Variants in UGT1A4 observed in about 807,000 individuals in gnomAD.
UGT1A4 encodes UDP glucuronosyltransferase family 1 member A4.
A neutral mutation model predicts 41.1 loss-of-function variants in UGT1A4; 32 were observed. That is an observed-to-expected ratio of 0.78 (90% CI 0.59 to 1.05). UGT1A4 has a LOEUF of 1.05. Among genes scored for constraint, UGT1A4 ranks in the 50% least tolerant of loss-of-function variants. The pLI is 0.00. For synonymous variants in UGT1A4, 283 were observed against 265.1 expected (o/e 1.07, Z -0.66); for missense variants, 748 against 677.4 (o/e 1.10, Z -1.16).
chr2:233,748,790 T>G (rs913029718), intron 1 of UGT1A4, among the ~76,000 whole-genome samples: 4 of 151,342 alleles, frequency 2.6e-5, no homozygotes, highest in African/African-American at 9.8e-5. Context: ...CTACTTGGAA[T>G]GCTGAAATTA....
intron 1 of UGT1A4, among the ~76,000 whole-genome samples, chr2:233,744,785 A>C (rs1433110343): frequency 6.6e-6 from 1 of 151,864 alleles, no homozygotes; most frequent in Non-Finnish European, 1.5e-5. Context: ...TCTCCTGAAA[A>C]ATTCTTGGGG....
At chr2:233,768,483 T>G in intron 4 of UGT1A4, 44 bp downstream of exon 4, 1 of 1,586,708 alleles carries the variant, frequency 6.3e-7, no homozygotes. Flanking sequence ...ATGGCATTCA[T>G]GATAAAATTG....
intron 1 of UGT1A4, among the ~76,000 whole-genome samples, chr2:233,766,376 C>T (rs1699131127): frequency 6.6e-6 from 1 of 152,176 alleles, no homozygotes; most frequent in Admixed American, 6.5e-5. Context: ...GAGTTCTTCT[C>T]AATGTCCAGC....
rs766281304 is a variant in UGT1A4 at position 233,769,518 on chromosome 2, T to C, written c.1307+1079T>C. On this transcript the variant is annotated intron_variant, in intron 4 of 4. Coordinates refer to ENST00000373409, the MANE Select transcript of UGT1A4 (RefSeq NM_007120.3). This position sits in a 1 kb window ranked among gnomAD's most constrained non-coding sequence, Gnocchi z 4.4. ...GAGTGTCCATTGCTTTCTCCCATGG[T>C]TACCTCCTTTAGAAAGAAGCAGCAG... The C allele has an allele frequency of 1.2e-6, 2 of 1,612,876 alleles. No homozygotes were observed. Among genetic ancestry groups the C allele is most frequent in the South Asian group, 2.2e-5 (2 of 91,072 alleles).
intron 1 of UGT1A4, among the ~76,000 whole-genome samples, chr2:233,733,833 G>A (rs1195470780): frequency 2.6e-5 from 4 of 152,136 alleles, no homozygotes; most frequent in African/African-American, 4.8e-5. Flanking sequence ...ATGAGTTAGG[G>A]AGGATTCCCT....
chr2:233,747,565 A>G, intron 1 of UGT1A4: 1 of 1,593,778 alleles, frequency 6.3e-7, no homozygotes, highest in Non-Finnish European at 8.6e-7. Flanking sequence ...GCAATTTTGA[A>G]AAATTCATCT....
chr2:233,761,904 G>A (rs887991064), intron 1 of UGT1A4, among the ~76,000 whole-genome samples: 2 of 152,234 alleles, frequency 1.3e-5, no homozygotes, highest in Non-Finnish European at 2.9e-5. Context: ...AAGATTGGCT[G>A]AGGATCTACT....
intron 1 of UGT1A4, among the ~76,000 whole-genome samples, chr2:233,735,332 CCCT>C (rs1370680627): frequency 6.6e-6 from 1 of 151,862 alleles, no homozygotes; most frequent in Non-Finnish European, 1.5e-5. Flanking sequence ...GGATTGCAAC[CCCT>C]GCTTTTTTTT....
In UGT1A4 at chr2:233,766,945, A is replaced by G. The variant is rs1284295869; in HGVS notation, c.868-89A>G. 3.1e-6 allele frequency: 5 copies of G among 1,597,954 alleles called. No homozygotes were observed. In the East Asian group the frequency reaches 1.1e-4, roughly 36 times the overall value. ...ACGCATGCCTTTAATCATAGTCTTA[A>G]GAGGAAGATATCTAATTCATAACTT... On this transcript the variant is annotated intron_variant, in intron 1 of 4. Coordinates refer to ENST00000373409, the MANE Select transcript of UGT1A4 (RefSeq NM_007120.3).
At chr2:233,724,615 G>A (rs2077289109) in intron 1 of UGT1A4, among the ~76,000 whole-genome samples, 1 of 137,470 alleles carries the variant, frequency 7.3e-6, no homozygotes, top group South Asian at 2.8e-4. Flanking sequence ...GCCGGGCAGA[G>A]ACGCTCCTCA....
At chr2:233,753,795 C>G (rs760622704) in intron 1 of UGT1A4, 1 of 152,194 alleles carries the variant, frequency 6.6e-6, no homozygotes, top group African/African-American at 2.4e-5. Flanking sequence ...TTTCCAGGAC[C>G]TACCATAGTT....
intron 1 of UGT1A4, among the ~76,000 whole-genome samples, chr2:233,732,390 C>G (rs1458473666): frequency 6.6e-6 from 1 of 152,216 alleles, no homozygotes; most frequent in Admixed American, 6.5e-5. Flanking sequence ...TAGGCCATGC[C>G]TATGCCTAAA....
chr2:233,721,874 C>T, intron 1 of UGT1A4: 1 of 497,188 alleles, frequency 2.0e-6, no homozygotes. Flanking sequence ...GGCACACTTG[C>T]CAGCCCCTCC....
chr2:233,730,275 C>T (rs2078008384), intron 1 of UGT1A4, among the ~76,000 whole-genome samples: 1 of 152,142 alleles, frequency 6.6e-6, no homozygotes, highest in Admixed American at 6.5e-5. Flanking sequence ...TTTGTAAAGG[C>T]ACCATCTTCA....
intron 1 of UGT1A4, chr2:233,747,412 T>C: frequency 6.2e-7 from 1 of 1,607,344 alleles, no homozygotes; most frequent in East Asian, 2.2e-5. Context: ...GAGGTGAATA[T>C]GCACATCAAA....
At chr2:233,735,242 T>C (rs989843667) in intron 1 of UGT1A4, among the ~76,000 whole-genome samples, 1 of 152,236 alleles carries the variant, frequency 6.6e-6, no homozygotes, top group Non-Finnish European at 1.5e-5. Context: ...CTCTTGTTGT[T>C]GAATTGCTCC....
intron 4 of UGT1A4, chr2:233,770,813 A>G (rs910931761): frequency 2.0e-5 from 3 of 152,228 alleles, no homozygotes; most frequent in African/African-American, 7.2e-5. Flanking sequence ...ACAGTGTATT[A>G]GGCTGTTCTT....
At position 233,743,070 on chromosome 2, in the gene UGT1A4, T is replaced by G. The variant is rs1338507367; in HGVS notation, c.867+23383T>G. 11 of 339,422 alleles carry G rather than the reference T, an allele frequency of 3.2e-5. No homozygotes were observed. The Admixed American group carries it at 4.5e-4, about 14-fold the overall frequency. 21.0% of individuals were successfully genotyped at this position (339,422 alleles called of 1,614,324 possible). A position where few individuals can be genotyped will look rare whatever the true frequency, so the allele number is the denominator to read the frequency against. On this transcript the variant is annotated intron_variant, in intron 1 of 4. Transcript: ENST00000373409. ...TAGTCCCAACGATAAGAACAGGTGT[T>G]GGCATGAAGTGTTTATAAATTCTTG...
At position 233,772,516 on chromosome 2, in the gene UGT1A4, A is replaced by G. The variant is rs1559420819; in HGVS notation, c.1562A>G (p.Lys521Arg). 3 of 1,614,208 alleles carry G rather than the reference A, an allele frequency of 1.9e-6. No homozygotes were observed. Among genetic ancestry groups the G allele is most frequent in the East Asian group, 2.2e-5 (1 of 44,880 alleles). ...TATGGCTACCGGAAATGCTTGGGGAAAAAAGGGCGAGTTAAGAAAGCCCAC... is the reference window on the plus strand; with the variant it reads ...TATGGCTACCGGAAATGCTTGGGGAGAAAAGGGCGAGTTAAGAAAGCCCAC... ...CAYGYRKCLGKKGRVKKAHKS... is the reference protein window; with the variant it reads ...CAYGYRKCLGRKGRVKKAHKS... The change falls in exon 5 of 5, where the codon AAA becomes AGA. Residue 521 changes from lysine (K) to arginine (R), a missense_variant. Transcript: ENST00000373409.
Sources: allele counts gnomAD v4.1 joint callset (sites outside exome capture counted in the v4.1 genomes callset), GRCh38; gene constraint gnomAD v4.1.1; non-coding constraint Gnocchi (gnomAD v3.1); transcripts MANE v1.5; gene names NCBI Gene and HGNC (gene_info 2026-07-23, HGNC 2026-07-21).